The following TTLL3 variants were observed in gnomAD, a reference collection of about 807,000 sequenced individuals.
TTLL3 encodes tubulin monoglycylase TTLL3.
In TTLL3, 63 loss-of-function variants were observed where a neutral mutation model predicts 75.2. The ratio of observed to expected loss-of-function variants is 0.84; its 90% CI spans 0.68 to 1.03. The LOEUF is 1.03. Among genes scored for constraint, TTLL3 ranks in the 50% least tolerant of loss-of-function variants. The pLI is 0.00. For synonymous variants in TTLL3, 393 were observed against 418.5 expected (o/e 0.94, Z 0.74); for missense variants, 997 against 1,069.9 (o/e 0.93, Z 0.95).
intron 4 of TTLL3, 106 bp from the exon 5 acceptor site, chr3:9,815,968 C>A: frequency 1.8e-6 from 2 of 1,125,820 alleles, no homozygotes; most frequent in Non-Finnish European, 2.3e-6. Context: ...TGGAAGCATC[C>A]TCTCCTTCCT....
rs1023358930 is a variant in TTLL3, at chr3:9,829,057, A to G, written c.1345A>G (p.Arg449Gly). Residue 449 changes from arginine to glycine, a missense_variant, in exon 11 of 14, where the codon AGG (arginine) becomes GGG (glycine). Arg to Gly is a moderately radical substitution (Grantham distance 125). Transcript: ENST00000685419. The stretch of plus-strand genomic sequence containing the variant: ...GCCAGACAACATGTGGTCTAGCCAG[A>G]GGTTCCAGGCCCACCTGCAGGAGAT... ...LPPDNMWSSQ[R>G]FQAHLQEMGA... is the part of the protein sequence containing the mutation. The G allele has an allele frequency of 5.0e-6, 8 of 1,614,142 alleles. No homozygotes were observed. The highest frequency in any genetic ancestry group is 2.7e-5 in the African/African-American group (2 of 74,952).
intron 10 of TTLL3, 158 bp downstream of exon 10, chr3:9,827,398 C>T (rs1199984196): frequency 1.4e-5 from 19 of 1,363,088 alleles, no homozygotes; most frequent in Non-Finnish European, 1.8e-5. Flanking sequence ...TCCTTGCATC[C>T]AACAGATTTT....
intron 8 of TTLL3, chr3:9,825,404 G>A: frequency 3.5e-6 from 1 of 285,402 alleles, no homozygotes; most frequent in Admixed American, 4.6e-5. Context: ...GCAGGGCCTT[G>A]AGGGCATTCG....
At position 9,817,707 on chromosome 3, in the gene TTLL3, C is replaced by T. The variant is rs1431471788; in HGVS notation, c.507C>T (p.Phe169=). ...TTGATGAGGTTGATGCCAACTCCTTCTTCCCACGCTGCTACTGCCTGGGGG... is the reference window on the plus strand; with the variant it reads ...TTGATGAGGTTGATGCCAACTCCTTTTTCCCACGCTGCTACTGCCTGGGGG... ...PWFDEVDANS[F]FPRCYCLGAE... Residue 169 remains phenylalanine, a synonymous_variant, in exon 6 of 14, where the codon TTC becomes TTT. Transcript: ENST00000685419. 1 of 1,614,066 alleles carries T rather than the reference C, an allele frequency of 6.2e-7. No individual in the cohort carries two copies. The highest frequency in any genetic ancestry group is 1.3e-5 in the African/African-American group (1 of 74,934).
chr3:9,834,222 C>T (rs1325070946), intron 12 of TTLL3: 1 of 363,100 alleles, frequency 2.8e-6, no homozygotes, highest in Non-Finnish European at 5.5e-6. Context: ...TTCAAAGATG[C>T]CAGGACTTAA....
chr3:9,819,644 G>A (rs1184993118), intron 7 of TTLL3: 4 of 985,472 alleles, frequency 4.1e-6, no homozygotes, highest in Non-Finnish European at 4.8e-6. Context: ...CCCAACCACT[G>A]CCTGCCCTTT....
In TTLL3 at chr3:9,825,947, A is replaced by G. The variant is rs961945906; in HGVS notation, c.1002A>G (p.Arg334=). The G allele has an allele frequency of 6.2e-7, 1 of 1,612,578 alleles. No individual in the cohort carries two copies. The highest frequency in any genetic ancestry group is 8.5e-7 in the Non-Finnish European group (1 of 1,178,702). ...IVKPGAKSRG[R]GIMCMDHLEE... is the part of the protein sequence containing the mutation. ...AGCCAGGAGCCAAGTCCCGCGGACG[A>G]GGTGGGGGTCAGCTCCTGCTTCCTG... Residue 334 remains arginine, a splice_region_variant and synonymous_variant, in exon 9 of 14, where the codon CGA becomes CGG. Transcript: ENST00000685419.
At chr3:9,825,048 C>T (rs1437947449) in intron 8 of TTLL3, among the ~76,000 whole-genome samples, 2 of 152,128 alleles carry the variant, frequency 1.3e-5, no homozygotes, top group Non-Finnish European at 2.9e-5. Flanking sequence ...GCCCAGTTTA[C>T]ATTTCTCTAA....
At chr3:9,819,958 T>A (rs2080257021) in intron 7 of TTLL3, 7 of 986,378 alleles carry the variant, frequency 7.1e-6, no homozygotes, top group Non-Finnish European at 7.2e-6. Flanking sequence ...TTCAGAGCAC[T>A]GCGATGTTCA....
rs568361985 is a variant in TTLL3, at chr3:9,827,401, C to T, written c.1247+161C>T. ...TCCTGCCAGCTGTCCTTGCATCCAACAGATTTTTTTTTAACAGACAGGGGG... is the reference window on the plus strand; with the variant it reads ...TCCTGCCAGCTGTCCTTGCATCCAATAGATTTTTTTTTAACAGACAGGGGG... On this transcript the variant is annotated intron_variant, in intron 10 of 13. Coordinates refer to ENST00000685419, the MANE Select transcript of TTLL3 (RefSeq NM_001387446.1). The T allele has an allele frequency of 5.0e-5, 68 of 1,356,336 alleles. No homozygotes were observed. In the South Asian group the frequency reaches 9.0e-4, roughly 18 times the overall value. The allele number at this position is 1,356,336 out of a possible 1,614,324, so 84.0% of individuals were successfully genotyped here.
upstream of TTLL3, chr3:9,809,823 C>G (rs1249516828): frequency 2.3e-6 from 1 of 432,316 alleles, no homozygotes; most frequent in Non-Finnish European, 3.9e-6. Context: ...CATCGCAGCC[C>G]CCAACCAGCC....
chr3:9,810,855 A>C lies in TTLL3; in HGVS notation c.48+146A>C. On this transcript the variant is annotated intron_variant, in intron 2 of 13. Transcript: ENST00000685419. The surrounding 1 kb of genome is among the most constrained non-coding windows in gnomAD (Gnocchi z 4.4). ...TCAACCACCACACCCATCTTCAACT[A>C]CCTCCCCGTTTACCCCTTCAGCACC... The C allele has an allele frequency of 1.4e-6, 1 of 731,084 alleles. No individual in the cohort carries two copies. The allele number at this position is 731,084 out of a possible 1,614,324, so 45.3% of individuals were successfully genotyped here. A position where few individuals can be genotyped will look rare whatever the true frequency, so the allele number is the denominator to read the frequency against.
At chr3:9,832,238 A>G (rs2081622441) in intron 11 of TTLL3, among the ~76,000 whole-genome samples, 1 of 151,540 alleles carries the variant, frequency 6.6e-6, no homozygotes, top group South Asian at 2.1e-4. Context: ...GGTGCCTGCC[A>G]CCATGACCTG....
chr3:9,818,465 T>A, intron 6 of TTLL3: 1 of 198,060 alleles, frequency 5.0e-6, no homozygotes, highest in South Asian at 1.0e-4. Context: ...GCCTCCCAGG[T>A]TCCCGCCATT....
At chr3:9,820,779 G>A (rs530766158) in intron 8 of TTLL3, 38 bp downstream of exon 8, 2 of 1,610,266 alleles carry the variant, frequency 1.2e-6, no homozygotes, top group East Asian at 4.5e-5. Flanking sequence ...GCTGTGGGCA[G>A]GTGCTTAGGG....
At chr3:9,819,385 C>A in intron 7 of TTLL3, 2 of 430,128 alleles carry the variant, frequency 4.6e-6, no homozygotes, top group Non-Finnish European at 6.3e-6. Context: ...ACTTGTCTTC[C>A]CATCCGTTTG....
intron 4 of TTLL3, among the ~76,000 whole-genome samples, chr3:9,815,304 G>A (rs1258446328): frequency 6.6e-6 from 1 of 151,802 alleles, no homozygotes; most frequent in African/African-American, 2.4e-5. Context: ...CTTCATATGG[G>A]TCAATCTCAT....
chr3:9,828,764 A>G, intron 10 of TTLL3, 196 bp from the exon 11 acceptor site: 3 of 687,214 alleles, frequency 4.4e-6, no homozygotes, highest in Non-Finnish European at 7.2e-6. Flanking sequence ...GCCCTGAGAG[A>G]TAAGAGTGGT....
rs752677089 is a variant in TTLL3, at chr3:9,834,750, G to C, written c.1895G>C (p.Gly632Ala). 1.7e-5 allele frequency: 27 copies of C among 1,614,070 alleles called. 1 individual carries two copies. In the South Asian group the frequency reaches 2.2e-4, roughly 13 times the overall value. Residue 632 changes from glycine (G) to alanine (A), a missense_variant, in exon 13 of 14, where the codon GGC (glycine) becomes GCC (alanine). Coordinates refer to ENST00000685419, the MANE Select transcript of TTLL3 (RefSeq NM_001387446.1). The stretch of plus-strand genomic sequence containing the variant: ...TCTCCCCATGTACTCCGACACCAGG[G>C]CCAGGTCCTCAGACGACAGCACAGC... ...LPSPHVLRHQ[G>A]QVLRRQHSKL...
Sources: allele counts gnomAD v4.1 joint callset (sites outside exome capture counted in the v4.1 genomes callset), GRCh38; gene constraint gnomAD v4.1.1; non-coding constraint Gnocchi (gnomAD v3.1); transcripts MANE v1.5; gene names NCBI Gene and HGNC (gene_info 2026-07-23, HGNC 2026-07-21).